Variants in WDPCP observed in about 807,000 individuals in gnomAD.
The protein encoded by WDPCP is WD repeat containing planar cell polarity effector.
A neutral mutation model predicts 93.1 loss-of-function variants in WDPCP; 71 were observed. That is an observed-to-expected ratio of 0.76 (90% CI 0.63 to 0.93). The LOEUF is 0.93. Among genes scored for constraint, WDPCP ranks in the 40% least tolerant of loss-of-function variants. The probability of loss-of-function intolerance (pLI) is 0.00; values close to 1 mark genes in which losing one functional copy is unlikely to be tolerated. For synonymous variants in WDPCP, 315 were observed against 315.0 expected, an observed-to-expected ratio of 1.00 and a Z score of 0.00; for missense variants, 844 against 887.4, an observed-to-expected ratio of 0.95 and a Z score of 0.62.
At chr2:63,358,785 G>A (rs1321731977) in intron 12 of WDPCP, among the ~76,000 whole-genome samples, 1 of 152,022 alleles carries the variant, frequency 6.6e-6, no homozygotes, top group Non-Finnish European at 1.5e-5. Context: ...ACCACTAACG[G>A]TCAGCATAGA....
At chr2:63,205,651 G>A (rs1676284093) in intron 14 of WDPCP, among the ~76,000 whole-genome samples, 2 of 152,154 alleles carry the variant, frequency 1.3e-5, no homozygotes, top group African/African-American at 4.8e-5. Flanking sequence ...ATATAGAAAT[G>A]CTACTGATTT....
chr2:63,509,802 C>G (rs533064017), intron 1 of WDPCP, among the ~76,000 whole-genome samples: 22 of 152,096 alleles, frequency 1.4e-4, no homozygotes, highest in Middle Eastern at 3.2e-3. Context: ...ACTATAAACA[C>G]CTCTACACAA....
chr2:63,160,641 T>C (rs1283203434), intron 15 of WDPCP, among the ~76,000 whole-genome samples: 1 of 152,232 alleles, frequency 6.6e-6, no homozygotes, highest in East Asian at 1.9e-4. Flanking sequence ...CCTTTCGAGG[T>C]AACTGAATAG....
At chr2:63,196,759 G>A (rs980317787) in intron 14 of WDPCP, among the ~76,000 whole-genome samples, 3 of 152,080 alleles carry the variant, frequency 2.0e-5, no homozygotes, top group Non-Finnish European at 2.9e-5. Flanking sequence ...TTGACTCTTG[G>A]GGAAAAAAAT....
At chr2:63,734,469 C>T (rs112418589) in intron 2 of WDPCP, among the ~76,000 whole-genome samples, 2,547 of 152,202 alleles carry the variant, frequency 0.017, 23 homozygotes, top group African/African-American at 0.017. Flanking sequence ...CATTTTCCAT[C>T]GAATGGCTGC....
At chr2:63,319,965 C>T (rs1686961774) in intron 12 of WDPCP, among the ~76,000 whole-genome samples, 2 of 151,954 alleles carry the variant, frequency 1.3e-5, no homozygotes, top group African/African-American at 4.8e-5. Flanking sequence ...GAAATGAAGT[C>T]ATTAGTCAAA....
At chr2:63,327,419 T>C (rs1218161130) in intron 12 of WDPCP, among the ~76,000 whole-genome samples, 1 of 152,180 alleles carries the variant, frequency 6.6e-6, no homozygotes, top group East Asian at 1.9e-4. Context: ...ACATGCATTA[T>C]CCTATTACCA....
At chr2:63,697,188 A>G (rs1668972823) in intron 2 of WDPCP, among the ~76,000 whole-genome samples, 1 of 152,214 alleles carries the variant, frequency 6.6e-6, no homozygotes, top group South Asian at 2.1e-4. Context: ...TAAAGCCCAC[A>G]CTACCTGCCA....
chr2:63,272,965 G>A (rs565671449), intron 13 of WDPCP, among the ~76,000 whole-genome samples: 1 of 152,264 alleles, frequency 6.6e-6, no homozygotes, highest in South Asian at 2.1e-4. Context: ...ACTGTTAAGA[G>A]TCAAAGAAAG....
rs535713011 is a variant in WDPCP, at chr2:63,314,007, G to A, written c.1749-696C>T. On this transcript the variant is annotated intron_variant, in intron 12 of 17. Transcript: ENST00000272321. ...AGTGATTCTCCTGCCTCAGCCTCCC[G>A]ATAGCTGGGAGTAGGCGCGCACCAC... Among the ~76,000 whole-genome samples, 54 of 149,112 alleles carry A rather than the reference G, an allele frequency of 3.6e-4. No homozygotes were observed. In the South Asian group the frequency reaches 0.011, roughly 29 times the overall value.
At chr2:63,379,918 A>G (rs892300902) in intron 11 of WDPCP, among the ~76,000 whole-genome samples, 1 of 152,330 alleles carries the variant, frequency 6.6e-6, no homozygotes, top group East Asian at 1.9e-4. Context: ...ACCCAGCATC[A>G]TGCAAAAATT....
intron 3 of WDPCP, chr2:63,622,370 G>T (rs188126201): frequency 3.7e-6 from 6 of 1,604,870 alleles, no homozygotes; most frequent in Non-Finnish European, 5.1e-6. Context: ...TCTTGGTCAC[G>T]TTGCTTTTGA....
chr2:63,683,213 T>C (rs1358393325), intron 2 of WDPCP, among the ~76,000 whole-genome samples: 1 of 151,658 alleles, frequency 6.6e-6, no homozygotes, highest in Non-Finnish European at 1.5e-5. Flanking sequence ...AGAAAACAAA[T>C]AGCAAAATGT....
At chr2:63,338,945 T>C (rs377438115) in intron 12 of WDPCP, among the ~76,000 whole-genome samples, 24 of 152,204 alleles carry the variant, frequency 1.6e-4, no homozygotes, top group Admixed American at 8.5e-4. Context: ...AGGGATAACA[T>C]TGAATCTGTA....
At chr2:63,794,301 A>G (rs1670584251) in intron 2 of WDPCP, among the ~76,000 whole-genome samples, 1 of 152,184 alleles carries the variant, frequency 6.6e-6, no homozygotes. Context: ...CCAGCAATGG[A>G]GACAGCCTCA....
intron 6 of WDPCP, among the ~76,000 whole-genome samples, chr2:63,473,627 A>AT (rs1699809427): frequency 6.6e-6 from 1 of 152,194 alleles, no homozygotes. Flanking sequence ...CAGGTACCAC[A>AT]TAGCCATCTG....
intron 14 of WDPCP, among the ~76,000 whole-genome samples, chr2:63,192,796 A>G (rs866636140): frequency 2.6e-5 from 4 of 152,314 alleles, no homozygotes; most frequent in Admixed American, 6.5e-5. Flanking sequence ...AAACCTATCT[A>G]TTCTTTTGTT....
rs554677101 is a variant in WDPCP at position 63,184,047 on chromosome 2, T to C, written c.1916-9215A>G. Reference sequence around the variant, plus strand: ...TATGGGGAGTTTCTTATAGTTCTTATGAAAATATGGTTCATATTTTAAAAA... The same window carrying C: ...TATGGGGAGTTTCTTATAGTTCTTACGAAAATATGGTTCATATTTTAAAAA... On this transcript the variant is annotated intron_variant, in intron 14 of 17. Coordinates refer to ENST00000272321, the MANE Select transcript of WDPCP (RefSeq NM_015910.7). Among the ~76,000 whole-genome samples the C allele has an allele frequency of 4.6e-5, 7 of 152,248 alleles. No homozygotes were observed. In the South Asian group the frequency reaches 1.0e-3, roughly 23 times the overall value.
At chr2:63,469,765 G>A (rs1486389609) in intron 6 of WDPCP, among the ~76,000 whole-genome samples, 1 of 152,098 alleles carries the variant, frequency 6.6e-6, no homozygotes, top group African/African-American at 2.4e-5. Context: ...TTAGTACCAG[G>A]ATGACAAAAT....
Sources: allele counts gnomAD v4.1 joint callset (sites outside exome capture counted in the v4.1 genomes callset), GRCh38; gene constraint gnomAD v4.1.1; transcripts MANE v1.5; gene names NCBI Gene and HGNC (gene_info 2026-07-23, HGNC 2026-07-21).